The following WWC2 variants were observed in gnomAD, a reference collection of about 807,000 sequenced individuals.
WWC2 encodes WW and C2 domain containing 2, also known as protein WWC2.
Under a neutral mutation model 138.5 loss-of-function variants are expected in WWC2, and 101 were observed. The ratio of observed to expected loss-of-function variants is 0.73; its 90% CI spans 0.62 to 0.86. WWC2 has a LOEUF of 0.86. WWC2 is among the 40% of genes least tolerant of loss of function. WWC2 has a pLI of 0.00. For synonymous variants in WWC2, 558 were observed against 538.4 expected, an observed-to-expected ratio of 1.04 and a Z score of -0.50; for missense variants, 1,420 against 1,419.4, an observed-to-expected ratio of 1.00 and a Z score of -0.01.
chr4:183,238,259 C>G (rs1005417001), intron 4 of WWC2, among the ~76,000 whole-genome samples: 6 of 152,182 alleles, frequency 3.9e-5, no homozygotes, highest in African/African-American at 1.4e-4. Flanking sequence ...TGGTCACATG[C>G]TTTCCCACAC....
chr4:183,204,134 C>T (rs1048098334), intron 2 of WWC2, among the ~76,000 whole-genome samples: 1 of 152,192 alleles, frequency 6.6e-6, no homozygotes, highest in African/African-American at 2.4e-5. Context: ...TCTGACTCCA[C>T]ATGATTGTGG....
At chr4:183,185,179 C>CT (rs1353103965) in intron 1 of WWC2, among the ~76,000 whole-genome samples, 3 of 152,182 alleles carry the variant, frequency 2.0e-5, no homozygotes, top group African/African-American at 4.8e-5. Context: ...ACAGTCTGTG[C>CT]TTTCATAAGC....
chr4:183,154,124 G>T (rs1479152348), intron 1 of WWC2, among the ~76,000 whole-genome samples: 2 of 150,184 alleles, frequency 1.3e-5, no homozygotes, highest in Non-Finnish European at 1.5e-5. Flanking sequence ...TTTTTAGAAA[G>T]CATAACTTAT....
At chr4:183,121,405 A>G (rs1040094966) in intron 1 of WWC2, among the ~76,000 whole-genome samples, 5 of 152,030 alleles carry the variant, frequency 3.3e-5, no homozygotes, top group Admixed American at 6.5e-5. Context: ...ACATCCCTAA[A>G]CCAAAAATCC....
intron 5 of WWC2, among the ~76,000 whole-genome samples, chr4:183,240,849 A>G (rs961394667): frequency 1.3e-5 from 2 of 152,160 alleles, no homozygotes; most frequent in East Asian, 1.9e-4. Context: ...CTGGGCCGTT[A>G]GCAGAGCCCT....
chr4:183,253,208 A>G (rs930333060), intron 8 of WWC2, among the ~76,000 whole-genome samples: 21 of 151,774 alleles, frequency 1.4e-4, no homozygotes, highest in African/African-American at 5.1e-4. Flanking sequence ...TGGCCACACC[A>G]CTGCTCTCTT....
At chr4:183,242,113 A>G (rs1736642701) in intron 5 of WWC2, among the ~76,000 whole-genome samples, 3 of 152,232 alleles carry the variant, frequency 2.0e-5, no homozygotes, top group South Asian at 2.1e-4. Context: ...GATATCTAAC[A>G]TCAGAGACCT....
chr4:183,261,350 C>CCT lies in WWC2; in HGVS notation c.1733_1734dup (p.His579SerfsTer13). On this transcript the variant is annotated frameshift_variant, in exon 11 of 23. Transcript: ENST00000403733. LOFTEE classifies it high-confidence loss of function. Reference sequence around the variant, plus strand: ...TTTCCCATGTCTTCTTCTCATGATGCCTCTCTCCATCAGTTCACTGCTGAC... The same window carrying CCT: ...TTTCCCATGTCTTCTTCTCATGATGCCTCTCTCTCCATCAGTTCACTGCTGAC... 1 of 1,613,338 alleles carries CCT rather than the reference C, an allele frequency of 6.2e-7. No individual in the cohort carries two copies. The highest frequency in any genetic ancestry group is 1.1e-5 in the South Asian group (1 of 90,784).
intron 21 of WWC2, among the ~76,000 whole-genome samples, chr4:183,298,250 T>C (rs1446880279): frequency 4.6e-5 from 7 of 152,254 alleles, no homozygotes; most frequent in Admixed American, 2.0e-4. Context: ...CTATTGTTTT[T>C]CTAGATCACT....
In WWC2 at chr4:183,265,672, C is replaced by T; in HGVS notation, c.2040-16C>T. The T allele has an allele frequency of 1.9e-6, 3 of 1,602,768 alleles. No individual in the cohort carries two copies. Among genetic ancestry groups the T allele is most frequent in the East Asian group, 4.5e-5 (2 of 44,670 alleles). On this transcript the variant is annotated splice_polypyrimidine_tract_variant and intron_variant, in intron 12 of 22. Coordinates refer to ENST00000403733, the MANE Select transcript of WWC2 (RefSeq NM_024949.6). ...ACCCCATTAATTAACTGTTCATCTACTCCCTGTCCATATAGACCTAGTGAA... is the reference window on the plus strand; with the variant it reads ...ACCCCATTAATTAACTGTTCATCTATTCCCTGTCCATATAGACCTAGTGAA...
intron 9 of WWC2, among the ~76,000 whole-genome samples, chr4:183,255,383 G>T (rs964406611): frequency 3.3e-5 from 5 of 152,120 alleles, no homozygotes; most frequent in African/African-American, 1.2e-4. Context: ...TGTTGTTGCT[G>T]TTGTTTTTCT....
chr4:183,260,519 G>T (rs1203711663), intron 10 of WWC2, among the ~76,000 whole-genome samples: 1 of 152,152 alleles, frequency 6.6e-6, no homozygotes, highest in African/African-American at 2.4e-5. Context: ...GCTTTTTCTA[G>T]TTTAGCTATG....
At chr4:183,294,813 TTGA>T (rs1738580325) in intron 21 of WWC2, among the ~76,000 whole-genome samples, 1 of 152,218 alleles carries the variant, frequency 6.6e-6, no homozygotes, top group Non-Finnish European at 1.5e-5. Flanking sequence ...TTTACTGTTG[TTGA>T]TGAATGGTTC....
At chr4:183,161,930 T>C (rs531014017) in intron 1 of WWC2, among the ~76,000 whole-genome samples, 18 of 152,320 alleles carry the variant, frequency 1.2e-4, no homozygotes, top group African/African-American at 3.1e-4. Flanking sequence ...ACTTCAGATA[T>C]GTACTCATAG....
At chr4:183,111,702 T>G (rs1262753074) in intron 1 of WWC2, among the ~76,000 whole-genome samples, 1 of 151,968 alleles carries the variant, frequency 6.6e-6, no homozygotes, top group Non-Finnish European at 1.5e-5. Flanking sequence ...TGTTTTGTTT[T>G]TTTTTTTTTG....
At chr4:183,175,994 A>AACG (rs1469774994) in intron 1 of WWC2, among the ~76,000 whole-genome samples, 10 of 152,220 alleles carry the variant, frequency 6.6e-5, no homozygotes, top group Non-Finnish European at 1.3e-4. Context: ...CTCATGACTT[A>AACG]TGCTTGCTTC....
rs534440379 is a variant in WWC2 at position 183,168,768 on chromosome 4, G to A, written c.132-24831G>A. 7.2e-5 allele frequency among the ~76,000 whole-genome samples: 11 copies of A among 152,258 alleles called. No homozygotes were observed. In the East Asian group the frequency reaches 2.1e-3, roughly 29 times the overall value. On this transcript the variant is annotated intron_variant, in intron 1 of 22. Coordinates refer to ENST00000403733, the MANE Select transcript of WWC2 (RefSeq NM_024949.6). ...GATACCATTCTCATTCAGTGAAATA[G>A]GGTTTCAAATTATGGCATGTGAATA...
At chr4:183,309,983 A>G (rs962761253) in intron 21 of WWC2, among the ~76,000 whole-genome samples, 3 of 152,244 alleles carry the variant, frequency 2.0e-5, no homozygotes, top group Admixed American at 6.5e-5. Flanking sequence ...AGTGTACTGC[A>G]TCATCCAACT....
chr4:183,197,217 A>G (rs886259583), intron 2 of WWC2, among the ~76,000 whole-genome samples: 1 of 152,192 alleles, frequency 6.6e-6, no homozygotes, highest in Non-Finnish European at 1.5e-5. Context: ...TAAGTCTGCT[A>G]TTTTGCTGTA....
Sources: gnomAD v4.1 joint callset for allele counts (sites outside exome capture counted in the v4.1 genomes callset) on GRCh38, gnomAD v4.1.1 for gene constraint, MANE v1.5 for transcripts, NCBI Gene and HGNC (gene_info 2026-07-23, HGNC 2026-07-21) for gene names.